The following XKR4 variants were observed in gnomAD, a reference collection of about 807,000 sequenced individuals.
The protein encoded by XKR4 is XK-related protein 4.
A neutral mutation model predicts 53.9 loss-of-function variants in XKR4; 12 were observed. The observed-to-expected ratio is 0.22, with a 90% confidence interval of 0.14 to 0.36. The LOEUF is 0.36. XKR4 is among the 10% of genes least tolerant of loss of function. XKR4 has a pLI of 1.00. For missense variants in XKR4, 799 were observed against 859.5 expected (o/e 0.93, Z 0.88); for synonymous variants, 354 against 362.4 (o/e 0.98, Z 0.26).
intron 1 of XKR4, among the ~76,000 whole-genome samples, chr8:55,269,122 T>G (rs1290815419): frequency 6.6e-6 from 1 of 152,176 alleles, no homozygotes; most frequent in Non-Finnish European, 1.5e-5. Flanking sequence ...GTTAGAATTT[T>G]ATGTAAAATA....
chr8:55,451,523 G>T (rs916685932), intron 2 of XKR4: 8 of 1,042,128 alleles, frequency 7.7e-6, no homozygotes, highest in Non-Finnish European at 8.6e-6. Flanking sequence ...GCCTTAAAGA[G>T]TCCGACTACA....
At chr8:55,154,766 T>C (rs977125685) in intron 1 of XKR4, among the ~76,000 whole-genome samples, 5 of 152,176 alleles carry the variant, frequency 3.3e-5, no homozygotes, top group African/African-American at 1.2e-4. Context: ...CAGCTGCAAA[T>C]AGCCTAAATT....
intron 2 of XKR4, among the ~76,000 whole-genome samples, chr8:55,469,245 C>G (rs1052168585): frequency 1.3e-5 from 2 of 152,130 alleles, no homozygotes; most frequent in Non-Finnish European, 2.9e-5. Flanking sequence ...CTCCACAACA[C>G]TGTAGCCAGG....
chr8:55,268,578 TA>T (rs1818644037), intron 1 of XKR4, among the ~76,000 whole-genome samples: 1 of 152,150 alleles, frequency 6.6e-6, no homozygotes, highest in Non-Finnish European at 1.5e-5. Context: ...CCCTATTTTA[TA>T]GGTAATAAAA....
chr8:55,189,337 C>T (rs939818199), intron 1 of XKR4, among the ~76,000 whole-genome samples: 3 of 152,092 alleles, frequency 2.0e-5, no homozygotes, highest in African/African-American at 7.3e-5. Context: ...TCTGCCGAGG[C>T]ACAGCTAATG....
intron 1 of XKR4, among the ~76,000 whole-genome samples, chr8:55,271,616 A>C (rs1818692268): frequency 6.6e-6 from 1 of 152,228 alleles, no homozygotes; most frequent in African/African-American, 2.4e-5. Flanking sequence ...GCGGAGAAAC[A>C]AATGGCTCCA....
At chr8:55,372,087 G>A (rs1255128639) in intron 2 of XKR4, among the ~76,000 whole-genome samples, 1 of 152,208 alleles carries the variant, frequency 6.6e-6, no homozygotes, top group Non-Finnish European at 1.5e-5. Flanking sequence ...GGTGGACAGT[G>A]TAATTAGTCA....
At chr8:55,514,411 C>G (rs1007346622) in intron 2 of XKR4, among the ~76,000 whole-genome samples, 9 of 152,116 alleles carry the variant, frequency 5.9e-5, no homozygotes, top group Non-Finnish European at 1.2e-4. Flanking sequence ...CATGTGCCAT[C>G]ATGCCAGGCT....
intron 2 of XKR4, among the ~76,000 whole-genome samples, chr8:55,448,818 C>T (rs1425058204): frequency 2.0e-5 from 3 of 151,988 alleles, no homozygotes; most frequent in African/African-American, 7.3e-5. Context: ...TTCCTAGCTT[C>T]GTAAAGAACC....
At position 55,344,010 on chromosome 8, in the gene XKR4, G is replaced by A. The variant is rs546402951; in HGVS notation, c.807-13668G>A. Among the ~76,000 whole-genome samples, 31 of 152,262 alleles carry A rather than the reference G, an allele frequency of 2.0e-4. No homozygotes were observed. In the South Asian group the frequency reaches 6.0e-3, roughly 30 times the overall value. On this transcript the variant is annotated intron_variant, in intron 1 of 2. Coordinates refer to ENST00000327381, the MANE Select transcript of XKR4 (RefSeq NM_052898.2). ...TGTGGCTGTAGATGCTGTAAGCATC[G>A]AAGCTCTTGGAAGTTGGCACTTTGC...
intron 2 of XKR4, among the ~76,000 whole-genome samples, chr8:55,410,966 A>G (rs577737778): frequency 6.6e-6 from 1 of 152,042 alleles, no homozygotes; most frequent in East Asian, 1.9e-4. Flanking sequence ...GTCACTGTGC[A>G]TTCTTCACTC....
intron 1 of XKR4, among the ~76,000 whole-genome samples, chr8:55,184,906 G>C (rs1260905373): frequency 6.6e-6 from 1 of 151,708 alleles, no homozygotes; most frequent in South Asian, 2.1e-4. Context: ...TGCAACCAAA[G>C]GGTTATTTAA....
intron 1 of XKR4, among the ~76,000 whole-genome samples, chr8:55,108,087 T>C (rs1816174108): frequency 6.6e-6 from 1 of 152,148 alleles, no homozygotes; most frequent in Non-Finnish European, 1.5e-5. Context: ...CAGGTAAGAC[T>C]CTCTGGAAGA....
At chr8:55,500,432 A>G (rs1267350326) in intron 2 of XKR4, among the ~76,000 whole-genome samples, 1 of 152,162 alleles carries the variant, frequency 6.6e-6, no homozygotes, top group African/African-American at 2.4e-5. Context: ...TACCACATTG[A>G]CAAGATCCAC....
chr8:55,463,691 G>T (rs1428896109), intron 2 of XKR4, among the ~76,000 whole-genome samples: 2 of 152,048 alleles, frequency 1.3e-5, no homozygotes, highest in African/African-American at 2.4e-5. Context: ...CCAGGAGCTG[G>T]TTTTTTGAAA....
intron 1 of XKR4, among the ~76,000 whole-genome samples, chr8:55,335,638 G>C (rs1343496877): frequency 2.0e-5 from 3 of 152,128 alleles, no homozygotes; most frequent in South Asian, 4.1e-4. Flanking sequence ...ATTTGTAGCA[G>C]TATATTCATA....
At chr8:55,111,044 G>A (rs538314226) in intron 1 of XKR4, among the ~76,000 whole-genome samples, 2 of 152,276 alleles carry the variant, frequency 1.3e-5, no homozygotes, top group South Asian at 4.2e-4. Flanking sequence ...GTCATAGTTA[G>A]AATGTCAGTG....
intron 1 of XKR4, among the ~76,000 whole-genome samples, chr8:55,248,571 G>T (rs983195844): frequency 2.6e-5 from 4 of 152,058 alleles, no homozygotes; most frequent in Non-Finnish European, 5.9e-5. Context: ...TTTATAAATG[G>T]CCCTTCTACT....
intron 1 of XKR4, among the ~76,000 whole-genome samples, chr8:55,124,008 T>C (rs1189766841): frequency 6.6e-6 from 1 of 152,222 alleles, no homozygotes; most frequent in Non-Finnish European, 1.5e-5. Context: ...CCATGAGATC[T>C]ACTTTTTTGT....
Sources: gnomAD v4.1 joint callset for allele counts (sites outside exome capture counted in the v4.1 genomes callset) on GRCh38, gnomAD v4.1.1 for gene constraint, MANE v1.5 for transcripts, NCBI Gene and HGNC (gene_info 2026-07-23, HGNC 2026-07-21) for gene names.